CCDC85A: variants seen among roughly 807,000 people sequenced by gnomAD.
The protein encoded by CCDC85A is coiled-coil domain containing 85A, also known as coiled-coil domain-containing protein 85A.
Under a neutral mutation model 50.2 loss-of-function variants are expected in CCDC85A, and 38 were observed. The observed-to-expected ratio is 0.76, with a 90% confidence interval of 0.58 to 0.99. CCDC85A has a LOEUF of 0.99. Ranked by LOEUF, CCDC85A falls within the 50% of genes least tolerant of loss-of-function variation. CCDC85A has a pLI of 0.00. For missense variants in CCDC85A, 820 were observed against 742.0 expected (o/e 1.11, Z -1.22); for synonymous variants, 366 against 301.4 (o/e 1.21, Z -2.22).
chr2:56,367,698 A>T (rs1362395798), intron 3 of CCDC85A, among the ~76,000 whole-genome samples: 1 of 152,188 alleles, frequency 6.6e-6, no homozygotes, highest in African/African-American at 2.4e-5. Context: ...TTGGGGGCCA[A>T]ATCACCCCCG....
At chr2:56,350,871 C>G (rs1411464385) in intron 3 of CCDC85A, among the ~76,000 whole-genome samples, 1 of 144,878 alleles carries the variant, frequency 6.9e-6, no homozygotes, top group Non-Finnish European at 1.5e-5. Flanking sequence ...TATTATTATA[C>G]TTTAAGTTTT....
chr2:56,201,928 T>C (rs1046764311), intron 2 of CCDC85A, among the ~76,000 whole-genome samples: 2 of 152,130 alleles, frequency 1.3e-5, no homozygotes, highest in Non-Finnish European at 2.9e-5. Flanking sequence ...CAAAGAAGGT[T>C]AGTGAATTGT....
Position 56,295,631 on chromosome 2 carries a change from T to A in CCDC85A, c.1241-47248T>A, listed in dbSNP as rs189566701. On this transcript the variant is annotated intron_variant, in intron 2 of 5. Coordinates refer to ENST00000407595, the MANE Select transcript of CCDC85A (RefSeq NM_001080433.2). ...TACAAAAAGAAATGGCCCCTCTGTC[T>A]AGGAGTGTGAGTTTCTGCCACTCAC... Among the ~76,000 whole-genome samples the A allele has an allele frequency of 1.9e-3, 296 of 152,312 alleles. 2 individuals carry two copies. Among genetic ancestry groups the A allele is most frequent in the Admixed American group, 3.1e-3 (48 of 15,288 alleles).
At chr2:56,341,930 A>G (rs1332278122) in intron 2 of CCDC85A, among the ~76,000 whole-genome samples, 3 of 151,790 alleles carry the variant, frequency 2.0e-5, no homozygotes, top group Admixed American at 6.6e-5. Context: ...TAAGTCTTGA[A>G]ATTTTTATTG....
At chr2:56,366,028 A>G (rs1409134701) in intron 3 of CCDC85A, among the ~76,000 whole-genome samples, 2 of 151,996 alleles carry the variant, frequency 1.3e-5, no homozygotes, top group Non-Finnish European at 2.9e-5. Flanking sequence ...TCTGTGCCTG[A>G]CTTATTTCAT....
intron 2 of CCDC85A, among the ~76,000 whole-genome samples, chr2:56,269,027 G>GT: frequency 6.6e-6 from 1 of 152,092 alleles, no homozygotes; most frequent in African/African-American, 2.4e-5. Context: ...CCATAGACTA[G>GT]TTTTTGGCTC....
intron 2 of CCDC85A, among the ~76,000 whole-genome samples, chr2:56,325,364 G>A (rs1186830049): frequency 6.6e-6 from 1 of 151,890 alleles, no homozygotes; most frequent in Admixed American, 6.6e-5. Flanking sequence ...CATAAATATT[G>A]ATATATATTC....
intron 2 of CCDC85A, among the ~76,000 whole-genome samples, chr2:56,231,999 G>A (rs945811449): frequency 2.0e-5 from 3 of 152,002 alleles, no homozygotes; most frequent in Non-Finnish European, 1.5e-5. Flanking sequence ...CTACTTCTCT[G>A]GTTGTTTGGT....
chr2:56,376,555 G>A (rs1676346148), intron 5 of CCDC85A, among the ~76,000 whole-genome samples: 1 of 151,916 alleles, frequency 6.6e-6, no homozygotes, highest in Admixed American at 6.6e-5. Flanking sequence ...CCTAAAATTT[G>A]TCATCTATTT....
At chr2:56,314,442 A>T (rs1023543367) in intron 2 of CCDC85A, among the ~76,000 whole-genome samples, 3 of 151,956 alleles carry the variant, frequency 2.0e-5, no homozygotes, top group African/African-American at 7.2e-5. Flanking sequence ...GCAACGTATG[A>T]CTTGTGTAGA....
chr2:56,301,235 ATATGT>A (rs1183500207), intron 2 of CCDC85A, among the ~76,000 whole-genome samples: 1 of 152,138 alleles, frequency 6.6e-6, no homozygotes, highest in Non-Finnish European at 1.5e-5. Flanking sequence ...TGGTCACTAA[ATATGT>A]TGTGTTTGTC....
intron 2 of CCDC85A, among the ~76,000 whole-genome samples, chr2:56,198,170 G>T (rs1408952687): frequency 2.0e-5 from 3 of 152,242 alleles, no homozygotes. Context: ...CCCCAGCAGT[G>T]TTTCTCTGAA....
chr2:56,257,257 A>G (rs1213077181), intron 2 of CCDC85A, among the ~76,000 whole-genome samples: 1 of 152,196 alleles, frequency 6.6e-6, no homozygotes, highest in Non-Finnish European at 1.5e-5. Context: ...TTAGTTAATT[A>G]TAATGCAGTC....
At chr2:56,241,702 A>G (rs543861870) in intron 2 of CCDC85A, among the ~76,000 whole-genome samples, 2 of 152,204 alleles carry the variant, frequency 1.3e-5, no homozygotes, top group Non-Finnish European at 2.9e-5. Flanking sequence ...CATGGTATAT[A>G]CCACATTTTC....
intron 2 of CCDC85A, among the ~76,000 whole-genome samples, chr2:56,298,877 A>G (rs992235574): frequency 3.3e-5 from 5 of 152,102 alleles, no homozygotes; most frequent in African/African-American, 7.2e-5. Context: ...TCTGGAGGGG[A>G]GAGGCCTGGG....
rs183704513 is a variant in CCDC85A at position 56,319,698 on chromosome 2, T to G, written c.1241-23181T>G. Among the ~76,000 whole-genome samples the G allele has an allele frequency of 1.9e-3, 295 of 152,142 alleles. 1 individual carries two copies. The highest frequency in any genetic ancestry group is 2.9e-3 in the Non-Finnish European group (199 of 67,976). ...CGATCATCTCAAGAGAGACCTCTGA[T>G]TTTTCACAGTTTCAGCAGTTGAAGT... is the stretch of plus-strand genomic sequence containing the variant. On this transcript the variant is annotated intron_variant, in intron 2 of 5. Transcript: ENST00000407595.
chr2:56,221,580 G>C (rs905288659), intron 2 of CCDC85A, among the ~76,000 whole-genome samples: 1 of 151,838 alleles, frequency 6.6e-6, no homozygotes, highest in African/African-American at 2.4e-5. Flanking sequence ...CATAGCTGAT[G>C]AACTATAATT....
At chr2:56,222,522 T>G (rs147185441) in intron 2 of CCDC85A, among the ~76,000 whole-genome samples, 1 of 152,124 alleles carries the variant, frequency 6.6e-6, no homozygotes, top group South Asian at 2.1e-4. Flanking sequence ...AATTTTTCAC[T>G]TTTATAGAAG....
At chr2:56,215,171 G>GT (rs2103889605) in intron 2 of CCDC85A, among the ~76,000 whole-genome samples, 1 of 151,946 alleles carries the variant, frequency 6.6e-6, no homozygotes, top group Admixed American at 6.6e-5. Context: ...AATTCCAGTT[G>GT]TTTGTTGCTG....
Sources: allele counts gnomAD v4.1 joint callset (sites outside exome capture counted in the v4.1 genomes callset), GRCh38; gene constraint gnomAD v4.1.1; transcripts MANE v1.5; gene names NCBI Gene and HGNC (gene_info 2026-07-23, HGNC 2026-07-21).